The following YARS2 variants were observed in gnomAD, a reference collection of about 807,000 sequenced individuals.
YARS2 encodes the protein tyrosine--tRNA ligase, mitochondrial.
A neutral mutation model predicts 45.0 loss-of-function variants in YARS2; 38 were observed. The ratio of observed to expected loss-of-function variants is 0.84; its 90% CI spans 0.65 to 1.11. The LOEUF is 1.11. Ranked by LOEUF, YARS2 falls within the 50% of genes least tolerant of loss-of-function variation. The probability of loss-of-function intolerance (pLI) is 0.00; values close to 1 mark genes in which losing one functional copy is unlikely to be tolerated. For synonymous variants in YARS2, 287 were observed against 245.1 expected, an observed-to-expected ratio of 1.17 and a Z score of -1.60; for missense variants, 602 against 599.8, an observed-to-expected ratio of 1.00 and a Z score of -0.04.
intron 2 of YARS2, among the ~76,000 whole-genome samples, chr12:32,752,176 G>T (rs954741754): frequency 6.6e-6 from 1 of 152,096 alleles, no homozygotes; most frequent in African/African-American, 2.4e-5. Flanking sequence ...AGTGATATAT[G>T]ACTATAATAT....
Position 32,755,492 on chromosome 12 carries a change from T to C in YARS2, c.383A>G (p.Glu128Gly). The change falls in exon 1 of 5, where the codon GAA becomes GGA. Residue 128 changes from glutamate to glycine, a missense_variant. Physicochemically the swap from Glu to Gly is moderately conservative, Grantham distance 98. Transcript: ENST00000324868. ...RLGDPSGRTK[E>G]REALETERVR... ...GCGCTCTGTCTCCAGCGCCTCGCGT[T>C]CCTTGGTACGGCCGCTCGGGTCTCC... The C allele has an allele frequency of 6.2e-7, 1 of 1,612,486 alleles. No homozygotes were observed. Among genetic ancestry groups the C allele is most frequent in the Non-Finnish European group, 8.5e-7 (1 of 1,179,484 alleles).
At chr12:32,749,546 A>C (rs546094749) in intron 4 of YARS2, among the ~76,000 whole-genome samples, 24 of 152,326 alleles carry the variant, frequency 1.6e-4, no homozygotes, top group African/African-American at 4.6e-4. Context: ...CTATCAGGAA[A>C]ACATCCTCTC....
intron 4 of YARS2, among the ~76,000 whole-genome samples, chr12:32,749,268 C>T (rs967519630): frequency 6.6e-6 from 1 of 152,134 alleles, no homozygotes; most frequent in African/African-American, 2.4e-5. Flanking sequence ...TAATCTGTTA[C>T]ATAGGGCCTC....
At chr12:32,754,935 T>C (rs974327892) in intron 1 of YARS2, among the ~76,000 whole-genome samples, 161 bp downstream of exon 1, 1 of 152,120 alleles carries the variant, frequency 6.6e-6, no homozygotes, top group African/African-American at 2.4e-5. Context: ...CTTTAATTCT[T>C]ATTAGCCAGT....
Position 32,753,953 on chromosome 12 carries a change from T to C in YARS2, c.912A>G (p.Gln304=), listed in dbSNP as rs760932342. 19 of 1,614,118 alleles carry C rather than the reference T, an allele frequency of 1.2e-5. 1 individual carries two copies. Among genetic ancestry groups the C allele is most frequent in the South Asian group, 9.9e-5 (9 of 91,086 alleles). The change falls in exon 2 of 5, where the codon CAA becomes CAG. Residue 304 remains glutamine (Q), a synonymous_variant. Transcript: ENST00000324868. The part of the protein sequence containing the change: ...RDKTSPFELY[Q]FFVRQPDDSV... ...AATCGTCCGGTTGCCTGACAAAGAA[T>C]TGATACAATTCAAATGGAGATGTCT... is the stretch of plus-strand genomic sequence containing the variant.
intron 2 of YARS2, among the ~76,000 whole-genome samples, chr12:32,751,285 C>G (rs1295597019): frequency 6.6e-6 from 1 of 151,922 alleles, no homozygotes; most frequent in East Asian, 1.9e-4. Flanking sequence ...CCAGGCTGGT[C>G]TCAAACTCCT....
At chr12:32,754,220 C>A in intron 1 of YARS2, 135 bp from the exon 2 acceptor site, 1 of 1,002,914 alleles carries the variant, frequency 1.0e-6, no homozygotes, top group South Asian at 1.4e-5. Flanking sequence ...AATTCTTGTT[C>A]CTCTTATGTA....
chr12:32,748,663 CTGTG>C (rs1350229458), intron 4 of YARS2, among the ~76,000 whole-genome samples: 2 of 152,208 alleles, frequency 1.3e-5, no homozygotes, highest in African/African-American at 4.8e-5. Context: ...CTCAAATTCA[CTGTG>C]TGTTAAACCA....
chr12:32,748,032 G>A (rs1161424233), intron 4 of YARS2, among the ~76,000 whole-genome samples: 1 of 152,220 alleles, frequency 6.6e-6, no homozygotes, highest in Non-Finnish European at 1.5e-5. Context: ...AGAAAGAGGT[G>A]AGATCTGAGA....
At chr12:32,751,422 A>G (rs916816467) in intron 2 of YARS2, among the ~76,000 whole-genome samples, 3 of 152,074 alleles carry the variant, frequency 2.0e-5, no homozygotes, top group Non-Finnish European at 4.4e-5. Flanking sequence ...CCGCAGTCCA[A>G]TCACATTCCC....
In YARS2 at chr12:32,746,737, C is replaced by T. The variant is rs1955643204; in HGVS notation, c.*467G>A. On this transcript the variant is annotated 3_prime_UTR_variant, in exon 5 of 5. Coordinates refer to ENST00000324868, the MANE Select transcript of YARS2 (RefSeq NM_001040436.3). ...ATTTTCAGTAGAGACGGGGTTTCGC[C>T]CTGTTGGCCAGGCTGGTCTCAAACT... 6.2e-6 allele frequency: 1 copy of T among 162,530 alleles called. No individual in the cohort carries two copies. Among genetic ancestry groups the T allele is most frequent in the African/African-American group, 2.4e-5 (1 of 41,432 alleles). 10.1% of individuals were successfully genotyped at this position (162,530 alleles called of 1,614,324 possible). A position where few individuals can be genotyped will look rare whatever the true frequency, so the allele number is the denominator to read the frequency against.
chr12:32,750,680 ATAAC>A lies in YARS2; in HGVS notation c.1103+35_1103+38del, dbSNP rs551606733. 1,459 of 1,610,764 alleles carry A rather than the reference ATAAC, an allele frequency of 9.1e-4. 13 individuals are homozygous for A. The East Asian group carries it at 0.021, about 23-fold the overall frequency. ...TACTTTTCTCATGTCTATCCACTGA[ATAAC>A]TAACTATCAAGTGTTAATCATACTA... On this transcript the variant is annotated intron_variant, in intron 3 of 4. Transcript: ENST00000324868.
chr12:32,755,501 C>T lies in YARS2; in HGVS notation c.374G>A (p.Arg125His). The T allele has an allele frequency of 6.2e-7, 1 of 1,612,226 alleles. No homozygotes were observed. Among genetic ancestry groups the T allele is most frequent in the Non-Finnish European group, 8.5e-7 (1 of 1,179,388 alleles). Residue 125 changes from arginine to histidine, a missense_variant, in exon 1 of 5, where the codon CGT (arginine) becomes CAT (histidine). Arg to His is a conservative substitution (Grantham distance 29, BLOSUM62 0). Coordinates refer to ENST00000324868, the MANE Select transcript of YARS2 (RefSeq NM_001040436.3). ...ATARLGDPSGRTKEREALETE... is the reference protein window; with the variant it reads ...ATARLGDPSGHTKEREALETE... ...CTCCAGCGCCTCGCGTTCCTTGGTA[C>T]GGCCGCTCGGGTCTCCCAGGCGCGC...
intron 3 of YARS2, among the ~76,000 whole-genome samples, chr12:32,750,451 T>C (rs983560337): frequency 6.6e-6 from 1 of 152,206 alleles, no homozygotes; most frequent in South Asian, 2.1e-4. Context: ...TCAGCCCACC[T>C]TGGCCTCCCA....
At chr12:32,747,732 C>G (rs35931581) in intron 4 of YARS2, among the ~76,000 whole-genome samples, 1 of 152,134 alleles carries the variant, frequency 6.6e-6, no homozygotes, top group Non-Finnish European at 1.5e-5. Context: ...AGATGGGTTT[C>G]GCCATGTTAG....
At chr12:32,753,318 AT>A (rs1955784277) in intron 2 of YARS2, among the ~76,000 whole-genome samples, 1 of 152,190 alleles carries the variant, frequency 6.6e-6, no homozygotes, top group African/African-American at 2.4e-5. Flanking sequence ...TGTACTATGA[AT>A]ATGGTCTAAC....
In YARS2 at chr12:32,755,488, G is replaced by A; in HGVS notation, c.387C>T (p.Arg129=). Residue 129 remains arginine (R), a synonymous_variant, in exon 1 of 5, where the codon CGC becomes CGT. Coordinates refer to ENST00000324868, the MANE Select transcript of YARS2 (RefSeq NM_001040436.3). The part of the protein sequence containing the change: ...LGDPSGRTKE[R]EALETERVRA... ...GCACGCGCTCTGTCTCCAGCGCCTC[G>A]CGTTCCTTGGTACGGCCGCTCGGGT... 3 of 1,612,252 alleles carry A rather than the reference G, an allele frequency of 1.9e-6. No individual in the cohort carries two copies. Among genetic ancestry groups the A allele is most frequent in the Non-Finnish European group, 2.5e-6 (3 of 1,179,412 alleles).
At chr12:32,750,369 G>T (rs999333071) in intron 3 of YARS2, among the ~76,000 whole-genome samples, 3 of 151,934 alleles carry the variant, frequency 2.0e-5, no homozygotes, top group Non-Finnish European at 2.9e-5. Context: ...GCCCAGCTAA[G>T]TTTTGTATTT....
At chr12:32,749,904 T>C in intron 4 of YARS2, 33 bp downstream of exon 4, 1 of 1,612,898 alleles carries the variant, frequency 6.2e-7, no homozygotes, top group Non-Finnish European at 8.5e-7. Flanking sequence ...TAATGGTGAA[T>C]TAACTGTAAA....
Sources: allele counts gnomAD v4.1 joint callset (sites outside exome capture counted in the v4.1 genomes callset), GRCh38; gene constraint gnomAD v4.1.1; transcripts MANE v1.5; gene names NCBI Gene and HGNC (gene_info 2026-07-23, HGNC 2026-07-21).